Variants in SPICE1 observed in about 807,000 individuals in gnomAD.
The protein encoded by SPICE1 is spindle and centriole associated protein 1, also known as spindle and centriole-associated protein 1.
A neutral mutation model predicts 102.7 loss-of-function variants in SPICE1; 75 were observed. The ratio of observed to expected loss-of-function variants is 0.73; its 90% CI spans 0.61 to 0.88. The LOEUF is 0.88. SPICE1 is among the 40% of genes least tolerant of loss of function. SPICE1 has a pLI of 0.00. For missense variants in SPICE1, 979 were observed against 1,020.1 expected, an observed-to-expected ratio of 0.96 and a Z score of 0.55; for synonymous variants, 308 against 350.3, an observed-to-expected ratio of 0.88 and a Z score of 1.35.
chr3:113,510,316 C>T (rs1042996388), intron 1 of SPICE1, among the ~76,000 whole-genome samples: 1 of 152,172 alleles, frequency 6.6e-6, no homozygotes, highest in Non-Finnish European at 1.5e-5. Context: ...ATGGCCAAGA[C>T]AATCCTAAAC....
intron 7 of SPICE1, among the ~76,000 whole-genome samples, chr3:113,470,883 A>G (rs929898142): frequency 2.0e-5 from 3 of 152,244 alleles, no homozygotes; most frequent in South Asian, 2.1e-4. Flanking sequence ...GGAAATGTCT[A>G]TAACTTTCAT....
rs145641107 is a variant in SPICE1, at chr3:113,499,586, T to C, written c.148-4A>G. ...TGTGTATTTCATGACGGCGTACCTA[T>C]ACAGAAGAGAAAAGTACATAAAGGA... On this transcript the variant is annotated splice_region_variant and splice_polypyrimidine_tract_variant and intron_variant, in intron 3 of 17. Coordinates refer to ENST00000295872, the MANE Select transcript of SPICE1 (RefSeq NM_144718.4). 2.1e-4 allele frequency: 334 copies of C among 1,593,912 alleles called. No individual in the cohort carries two copies. The African/African-American group carries it at 4.0e-3, about 19-fold the overall frequency.
intron 7 of SPICE1, among the ~76,000 whole-genome samples, chr3:113,475,927 C>A (rs1182957144): frequency 6.6e-6 from 1 of 152,110 alleles, no homozygotes; most frequent in South Asian, 2.1e-4. Flanking sequence ...GTTGGAAGTT[C>A]TGGCCAGGGC....
At chr3:113,506,403 T>G in intron 2 of SPICE1, 104 bp downstream of exon 2, 1 of 887,006 alleles carries the variant, frequency 1.1e-6, no homozygotes, top group South Asian at 1.5e-5. Flanking sequence ...CCCTATTACG[T>G]GATGAGCCCC....
At chr3:113,459,612 G>C (rs145135277) in intron 12 of SPICE1, 2 of 984,948 alleles carry the variant, frequency 2.0e-6, no homozygotes, top group South Asian at 9.4e-5. Flanking sequence ...TGCCAGGTGC[G>C]GTGGCTCACG....
Position 113,453,802 on chromosome 3 carries a change from C to CT in SPICE1, c.1805dup (p.Arg603GlufsTer21). On this transcript the variant is annotated frameshift_variant, in exon 14 of 18. Coordinates refer to ENST00000295872, the MANE Select transcript of SPICE1 (RefSeq NM_144718.4). LOFTEE classifies it high-confidence loss of function. ...CTCCCATGTGAGAGACTCTCCATCTCTGAGTGAAGAGACGATTCTCTTCAC... is the reference window on the plus strand; with the variant it reads ...CTCCCATGTGAGAGACTCTCCATCTCTTGAGTGAAGAGACGATTCTCTTCAC... 6.2e-7 allele frequency: 1 copy of CT among 1,614,154 alleles called. No homozygotes were observed.
Position 113,477,904 on chromosome 3 carries a change from T to C in SPICE1, c.612-8666A>G, listed in dbSNP as rs185050427. Among the ~76,000 whole-genome samples the C allele has an allele frequency of 4.4e-4, 67 of 151,352 alleles. 1 individual carries two copies. In the East Asian group the frequency reaches 8.5e-3, roughly 19 times the overall value. ...ATACATATGTAACTAACCTGCACATTGTGCACATGTACCCTAAAACTTAAA... is the reference window on the plus strand; with the variant it reads ...ATACATATGTAACTAACCTGCACATCGTGCACATGTACCCTAAAACTTAAA... On this transcript the variant is annotated intron_variant, in intron 7 of 17. Coordinates refer to ENST00000295872, the MANE Select transcript of SPICE1 (RefSeq NM_144718.4).
At chr3:113,474,159 TTAAAC>T (rs1936279426) in intron 7 of SPICE1, among the ~76,000 whole-genome samples, 1 of 151,118 alleles carries the variant, frequency 6.6e-6, no homozygotes, top group African/African-American at 2.4e-5. Flanking sequence ...AAAACAGACT[TTAAAC>T]CAACAAAGAT....
chr3:113,500,358 C>T (rs2107501686), intron 3 of SPICE1, among the ~76,000 whole-genome samples: 1 of 151,900 alleles, frequency 6.6e-6, no homozygotes, highest in East Asian at 1.9e-4. Flanking sequence ...ATTAAAGAGA[C>T]AATAACAAGT....
At position 113,457,341 on chromosome 3, in the gene SPICE1, AT is replaced by A; in HGVS notation, c.1451del (p.Asn484MetfsTer8). The A allele has an allele frequency of 6.2e-7, 1 of 1,614,196 alleles. No individual in the cohort carries two copies. The highest frequency in any genetic ancestry group is 8.5e-7 in the Non-Finnish European group (1 of 1,180,036). On this transcript the variant is annotated frameshift_variant, in exon 13 of 18. Transcript: ENST00000295872. LOFTEE classifies it high-confidence loss of function. ...VMDSPERPVV[N>X]ANVSVPLMFR... Reference sequence around the variant, plus strand: ...ACATCAATGGCACTGAGACATTGGCATTTACAACTGGACGCTCTGAAGAAGA... The same window carrying A: ...ACATCAATGGCACTGAGACATTGGCATTACAACTGGACGCTCTGAAGAAGA...
intron 14 of SPICE1, 130 bp from the exon 15 acceptor site, chr3:113,450,646 G>A (rs1380840489): frequency 2.1e-5 from 18 of 875,334 alleles, no homozygotes; most frequent in Non-Finnish European, 2.8e-5. Flanking sequence ...GCGCTATCTC[G>A]GCTCACTGCA....
intron 7 of SPICE1, among the ~76,000 whole-genome samples, chr3:113,472,090 T>C (rs115020066): frequency 0.017 from 2,524 of 152,324 alleles, 55 homozygotes; most frequent in African/African-American, 0.049. Context: ...CCCACCCTAA[T>C]ACTGCACTTT....
At chr3:113,503,647 C>A (rs1355126298) in intron 2 of SPICE1, among the ~76,000 whole-genome samples, 2 of 152,034 alleles carry the variant, frequency 1.3e-5, no homozygotes, top group Non-Finnish European at 2.9e-5. Context: ...AAAGTGAGAT[C>A]ACTGGCTGGG....
At position 113,500,736 on chromosome 3, in the gene SPICE1, T is replaced by G. The variant is rs558581642; in HGVS notation, c.148-1154A>C. Among the ~76,000 whole-genome samples the G allele has an allele frequency of 2.0e-4, 30 of 152,316 alleles. 1 individual carries two copies. The South Asian group carries it at 3.7e-3, about 19-fold the overall frequency. ...CCATTTTCCCTTGAGTTTGAAATTT[T>G]TCATTTAAAAAATATTAACTCAGTT... On this transcript the variant is annotated intron_variant, in intron 3 of 17. Transcript: ENST00000295872.
chr3:113,488,840 A>G (rs1936701336), intron 7 of SPICE1, 105 bp downstream of exon 7: 1 of 667,782 alleles, frequency 1.5e-6, no homozygotes, highest in Non-Finnish European at 2.5e-6. Flanking sequence ...AAATTTTTAA[A>G]TAAAAATAAA....
chr3:113,476,365 T>C (rs1559966367), intron 7 of SPICE1, among the ~76,000 whole-genome samples: 1 of 151,290 alleles, frequency 6.6e-6, no homozygotes, highest in Non-Finnish European at 1.5e-5. Context: ...CTGCCCAAGG[T>C]AATTTAGAGA....
intron 16 of SPICE1, among the ~76,000 whole-genome samples, chr3:113,447,444 T>A (rs1935544681): frequency 6.6e-6 from 1 of 152,208 alleles, no homozygotes; most frequent in Admixed American, 6.5e-5. Context: ...TGTTACACAT[T>A]CTGTGGGTTT....
chr3:113,475,633 C>A (rs1043059870), intron 7 of SPICE1, among the ~76,000 whole-genome samples: 1 of 151,974 alleles, frequency 6.6e-6, no homozygotes, highest in Admixed American at 6.6e-5. Flanking sequence ...GTTCAATATA[C>A]GCAAATCAAT....
intron 7 of SPICE1, among the ~76,000 whole-genome samples, chr3:113,481,896 T>C (rs1440809561): frequency 1.3e-5 from 2 of 151,652 alleles, no homozygotes; most frequent in African/African-American, 2.4e-5. Context: ...TGTGTCTGTA[T>C]AGAATGATTT....
Sources: gnomAD v4.1 joint callset for allele counts (sites outside exome capture counted in the v4.1 genomes callset) on GRCh38, gnomAD v4.1.1 for gene constraint, MANE v1.5 for transcripts, NCBI Gene and HGNC (gene_info 2026-07-23, HGNC 2026-07-21) for gene names.